Variants in IL7 observed in about 807,000 individuals in gnomAD.
The protein encoded by IL7 is interleukin-7.
IL7 carries 3 observed loss-of-function variants against 21.6 expected under a neutral mutation model. The observed-to-expected ratio is 0.14, with a 90% CI of 0.06 to 0.36. The LOEUF (loss-of-function observed/expected upper bound fraction) is 0.36, where lower values mean the gene tolerates loss of function less well. IL7 is among the 10% of genes least tolerant of loss of function. The probability of loss-of-function intolerance (pLI) is 1.00; values close to 1 mark genes in which losing one functional copy is unlikely to be tolerated. For missense variants in IL7, 175 were observed against 200.2 expected (o/e 0.87, Z 0.76); for synonymous variants, 62 against 68.1 (o/e 0.91, Z 0.44).
intron 4 of IL7, among the ~76,000 whole-genome samples, chr8:78,680,163 A>T (rs1281075499): frequency 6.6e-6 from 1 of 152,122 alleles, no homozygotes; most frequent in African/African-American, 2.4e-5. Flanking sequence ...GGTGATTTCA[A>T]TGAATATTAG....
intron 2 of IL7, among the ~76,000 whole-genome samples, chr8:78,768,978 T>G (rs538053660): frequency 6.6e-6 from 1 of 152,228 alleles, no homozygotes; most frequent in African/African-American, 2.4e-5. Context: ...TTGACAAAAT[T>G]CAACAACCTT....
intron 3 of IL7, among the ~76,000 whole-genome samples, chr8:78,712,694 G>A (rs1393873885): frequency 6.6e-6 from 1 of 152,134 alleles, no homozygotes; most frequent in Non-Finnish European, 1.5e-5. Flanking sequence ...GCTGAAAAGA[G>A]TGTGTGGCAA....
At chr8:78,788,294 T>A (rs1206195380) in intron 2 of IL7, among the ~76,000 whole-genome samples, 2 of 152,138 alleles carry the variant, frequency 1.3e-5, no homozygotes, top group Non-Finnish European at 2.9e-5. Flanking sequence ...TAATTTAGTT[T>A]TAATTTTCTT....
chr8:78,788,975 C>T (rs1813599341), intron 2 of IL7, among the ~76,000 whole-genome samples: 1 of 152,086 alleles, frequency 6.6e-6, no homozygotes, highest in African/African-American at 2.4e-5. Flanking sequence ...GTAATGCACC[C>T]TCTTTATATC....
chr8:78,762,079 C>A (rs1812580186), intron 2 of IL7: 2 of 1,601,342 alleles, frequency 1.2e-6, no homozygotes, highest in South Asian at 2.2e-5. Flanking sequence ...CAATTTTTTT[C>A]TGTTTCAGTG....
At chr8:78,704,534 T>G (rs761339833) in intron 3 of IL7, among the ~76,000 whole-genome samples, 1 of 152,196 alleles carries the variant, frequency 6.6e-6, no homozygotes, top group African/African-American at 2.4e-5. Context: ...TTAACATTTC[T>G]TCTTTCATTT....
chr8:78,698,352 A>G (rs1810497446), intron 3 of IL7: 1 of 1,316,438 alleles, frequency 7.6e-7, no homozygotes, highest in Non-Finnish European at 1.1e-6. Context: ...CCTTTGTTAG[A>G]TGCTCTGTTT....
intron 2 of IL7, among the ~76,000 whole-genome samples, chr8:78,777,567 C>T (rs1813172189): frequency 1.3e-5 from 2 of 151,954 alleles, no homozygotes; most frequent in South Asian, 4.1e-4. Flanking sequence ...TTGCTTGTTC[C>T]TAATGCAAGA....
At chr8:78,707,568 A>G (rs1367694017) in intron 3 of IL7, among the ~76,000 whole-genome samples, 1 of 152,232 alleles carries the variant, frequency 6.6e-6, no homozygotes, top group Non-Finnish European at 1.5e-5. Context: ...TTTGAGTACA[A>G]TAATTTTGTC....
intron 3 of IL7, among the ~76,000 whole-genome samples, chr8:78,688,027 A>T (rs1469531834): frequency 6.7e-6 from 1 of 149,072 alleles, no homozygotes; most frequent in Non-Finnish European, 1.5e-5. Flanking sequence ...TGTTTCCGTA[A>T]AACTTCATTT....
chr8:78,695,298 G>T (rs556447838), intron 3 of IL7, among the ~76,000 whole-genome samples: 2 of 151,996 alleles, frequency 1.3e-5, no homozygotes, highest in African/African-American at 2.4e-5. Flanking sequence ...AACATTTTTT[G>T]GAGACATGTT....
chr8:78,731,841 T>C (rs1292565881), downstream of IL7, among the ~76,000 whole-genome samples: 1 of 152,084 alleles, frequency 6.6e-6, no homozygotes, highest in Non-Finnish European at 1.5e-5. Flanking sequence ...TCAAATCTAC[T>C]ATAACAAATG....
chr8:78,804,732 G>A (rs1814247731), intron 1 of IL7, among the ~76,000 whole-genome samples, 181 bp downstream of exon 1: 1 of 152,210 alleles, frequency 6.6e-6, no homozygotes, highest in African/African-American at 2.4e-5. Context: ...AAGTGGCTAT[G>A]TGCCAGGATA....
chr8:78,757,838 C>A (rs1055907218), intron 2 of IL7, among the ~76,000 whole-genome samples: 2 of 151,914 alleles, frequency 1.3e-5, no homozygotes, highest in African/African-American at 4.8e-5. Flanking sequence ...CCCATAATTC[C>A]CATGTGTTGT....
chr8:78,714,474 G>A (rs1415425973), downstream of IL7, among the ~76,000 whole-genome samples: 3 of 152,046 alleles, frequency 2.0e-5, no homozygotes, highest in Admixed American at 1.3e-4. Context: ...TTCTATAAGT[G>A]ATCATTTTAT....
intron 3 of IL7, among the ~76,000 whole-genome samples, chr8:78,690,219 C>G (rs905061199): frequency 1.3e-5 from 2 of 152,086 alleles, no homozygotes; most frequent in African/African-American, 4.8e-5. Flanking sequence ...CCTTAATAAG[C>G]CTTAAAATCA....
intron 2 of IL7, among the ~76,000 whole-genome samples, chr8:78,771,806 A>T (rs1300357971): frequency 6.6e-6 from 1 of 152,060 alleles, no homozygotes; most frequent in Non-Finnish European, 1.5e-5. Context: ...CCGCTCTAAA[A>T]ACTGCCCCCC....
intron 2 of IL7, among the ~76,000 whole-genome samples, chr8:78,792,523 T>G (rs2130832579): frequency 6.6e-6 from 1 of 152,004 alleles, no homozygotes; most frequent in Non-Finnish European, 1.5e-5. Flanking sequence ...TAATATCTGA[T>G]AAAGGTCTAA....
rs928288636 is a variant in IL7 at position 78,805,027 on chromosome 8, G to A, written c.-105C>T. 1.5e-6 allele frequency: 2 copies of A among 1,299,042 alleles called. No homozygotes were observed. The highest frequency in any genetic ancestry group is 1.1e-6 in the Non-Finnish European group (1 of 931,242). The allele number at this position is 1,299,042 out of a possible 1,614,324, so 80.5% of individuals were successfully genotyped here. A position where few individuals can be genotyped will look rare whatever the true frequency, so the allele number is the denominator to read the frequency against. On this transcript the variant is annotated 5_prime_UTR_variant, in exon 1 of 6. Coordinates refer to ENST00000263851, the MANE Select transcript of IL7 (RefSeq NM_000880.4). ...GACCCTGGTCTTCCGCGGAGTTGCC[G>A]AGTCTGTGTTGGGCAGGGTGATCTC...
Sources: gnomAD v4.1 joint callset for allele counts (sites outside exome capture counted in the v4.1 genomes callset) on GRCh38, gnomAD v4.1.1 for gene constraint, MANE v1.5 for transcripts, NCBI Gene and HGNC (gene_info 2026-07-23, HGNC 2026-07-21) for gene names.